Variants in KPRP observed in about 807,000 individuals in gnomAD.
KPRP encodes keratinocyte proline-rich protein.
For synonymous variants in KPRP, 282 were observed against 276.9 expected (o/e 1.02, Z -0.18); for missense variants, 820 against 746.4 (o/e 1.10, Z -1.15).
At chr1:152,760,176 G>A (rs749736532) in exon 1 of KPRP, 49 of 1,614,110 alleles carry the variant, frequency 3.0e-5, no homozygotes, top group Non-Finnish European at 4.1e-5. Flanking sequence ...CCCAGTTTCA[G>A]TCAAGGGCTA....
exon 1 of KPRP, chr1:152,760,051 C>T (rs1250923557): frequency 1.2e-5 from 20 of 1,614,198 alleles, no homozygotes; most frequent in Non-Finnish European, 1.5e-5. Context: ...GAACTATGTA[C>T]CCTGTCCAGC....
exon 1 of KPRP, chr1:152,761,431 CAG>C (rs1651129155): frequency 6.8e-7 from 1 of 1,470,130 alleles, no homozygotes. Context: ...CAAAGATATT[CAG>C]AGACTCCCTA....
At chr1:152,759,541 C>A (rs372424458), upstream of KPRP, 3 of 1,582,192 alleles carry the variant, frequency 1.9e-6, no homozygotes, top group Non-Finnish European at 2.6e-6. Flanking sequence ...CCCTCCTGAC[C>A]CTGGTCTCTT....
chr1:152,760,320 T>C, exon 1 of KPRP: 2 of 1,614,180 alleles, frequency 1.2e-6, no homozygotes, highest in Non-Finnish European at 1.7e-6. Flanking sequence ...GGAGCTTCAC[T>C]GAACAGCACC....
chr1:152,758,185 C>T (rs1411479434), upstream of KPRP, among the ~76,000 whole-genome samples: 1 of 152,158 alleles, frequency 6.6e-6, no homozygotes, highest in Admixed American at 6.5e-5. Flanking sequence ...GGTGCATTAA[C>T]CTGAGGAGAA....
chr1:152,759,983 TCGTAGAATGTGCTC>T lies in KPRP; in HGVS notation c.397_410del (p.Val133SerfsTer29). The T allele has an allele frequency of 6.2e-7, 1 of 1,614,194 alleles. No homozygotes were observed. On this transcript the variant is annotated frameshift_variant, in exon 1 of 1. Transcript: ENST00000606109. LOFTEE classifies it low-confidence loss of function (END_TRUNC). Reference sequence around the variant, plus strand: ...GCGTCACAACCTGTTCAGACTTGCTTCGTAGAATGTGCTCCAGTTTGTTATACAGAAACTTGTTA... The same window carrying T: ...GCGTCACAACCTGTTCAGACTTGCTTCAGTTTGTTATACAGAAACTTGTTA...
chr1:152,759,591 G>A, exon 1 of KPRP: 1 of 1,613,330 alleles, frequency 6.2e-7, no homozygotes, highest in East Asian at 2.2e-5. Context: ...TCAGGACCAT[G>A]TGTGACCAGC....
chr1:152,759,835 G>A (rs770718237), exon 1 of KPRP: 1 of 1,614,000 alleles, frequency 6.2e-7, no homozygotes, highest in South Asian at 1.1e-5. Context: ...GCAGGTGAAG[G>A]GCCAGGCTCA....
At chr1:152,760,998 A>G (rs200680864) in exon 1 of KPRP, 14 of 1,612,260 alleles carry the variant, frequency 8.7e-6, no homozygotes, top group Non-Finnish European at 3.4e-6. Context: ...GTGAGCACCC[A>G]GAGCCTTGTC....
upstream of KPRP, among the ~76,000 whole-genome samples, chr1:152,759,122 C>A (rs1473829301): frequency 6.6e-6 from 1 of 152,216 alleles, no homozygotes; most frequent in Non-Finnish European, 1.5e-5. Context: ...TACGTTCTTA[C>A]ATGTTTGCAC....
exon 1 of KPRP, chr1:152,759,731 G>T: frequency 6.2e-7 from 1 of 1,614,164 alleles, no homozygotes; most frequent in African/African-American, 1.3e-5. Context: ...ATTGTGGACT[G>T]CCCTGCATCA....
At chr1:152,760,063 C>T in exon 1 of KPRP, 1 of 1,614,200 alleles carries the variant, frequency 6.2e-7, no homozygotes, top group Non-Finnish European at 8.5e-7. Context: ...CTGTCCAGCT[C>T]CTCAGCCTGT....
chr1:152,759,980 G>T (rs762325577), exon 1 of KPRP: 1 of 1,614,200 alleles, frequency 6.2e-7, no homozygotes, highest in African/African-American at 1.3e-5. Context: ...GTTCAGACTT[G>T]CTTCGTAGAA....
chr1:152,760,613 G>T, exon 1 of KPRP: 2 of 1,609,268 alleles, frequency 1.2e-6, no homozygotes, highest in Non-Finnish European at 1.7e-6. Context: ...CCCCCACAGA[G>T]GTGTCCTGTT....
At chr1:152,760,790 C>T (rs771853236) in exon 1 of KPRP, 1 of 1,614,002 alleles carries the variant, frequency 6.2e-7, no homozygotes, top group African/African-American at 1.3e-5. Context: ...CGATGTCCAC[C>T]TCCTGCTCCA....
chr1:152,760,620 T>A, exon 1 of KPRP: 3 of 1,609,540 alleles, frequency 1.9e-6, no homozygotes, highest in Non-Finnish European at 2.5e-6. Flanking sequence ...AGAGGTGTCC[T>A]GTTGAGATTC....
At chr1:152,758,218 A>G (rs1004537212), upstream of KPRP, among the ~76,000 whole-genome samples, 3 of 152,170 alleles carry the variant, frequency 2.0e-5, no homozygotes, top group African/African-American at 7.2e-5. Context: ...CTTTTAGGAG[A>G]CAGAAGCATA....
At chr1:152,759,529 C>T (rs1224061099), upstream of KPRP, 12 of 1,558,308 alleles carry the variant, frequency 7.7e-6, no homozygotes, top group Admixed American at 5.5e-5. Flanking sequence ...CTCCAACTCT[C>T]ACCCTCCTGA....
chr1:152,760,677 G>T, exon 1 of KPRP: 1 of 1,612,744 alleles, frequency 6.2e-7, no homozygotes. Context: ...AGCCCTCCTG[G>T]GGCGCCTCCT....
Sources: gnomAD v4.1 joint callset for allele counts (sites outside exome capture counted in the v4.1 genomes callset) on GRCh38, gnomAD v4.1.1 for gene constraint, MANE v1.5 for transcripts, NCBI Gene and HGNC (gene_info 2026-07-23, HGNC 2026-07-21) for gene names.